The following MAGT1 variants were observed in gnomAD, a reference collection of about 807,000 sequenced individuals.
The protein encoded by MAGT1 is dolichyl-diphosphooligosaccharide--protein glycosyltransferase subunit MAGT1.
MAGT1 carries 4 observed loss-of-function variants against 28.4 expected under a neutral mutation model. The ratio of observed to expected loss-of-function variants is 0.14; its 90% CI spans 0.07 to 0.32. The LOEUF is 0.32. MAGT1 is among the 10% of genes least tolerant of loss of function. MAGT1 has a pLI of 1.00. For synonymous variants in MAGT1, 89 were observed against 89.7 expected, an observed-to-expected ratio of 0.99 and a Z score of 0.04; for missense variants, 193 against 264.5, an observed-to-expected ratio of 0.73 and a Z score of 1.88.
intron 8 of MAGT1, among the ~76,000 whole-genome samples, chrX:77,836,615 C>T (rs782044752): frequency 3.6e-5 from 4 of 112,077 alleles, no homozygotes; most frequent in Admixed American, 9.6e-5. Context: ...AGAAAATGTA[C>T]TCATAGACTG....
intron 7 of MAGT1, among the ~76,000 whole-genome samples, chrX:77,842,720 G>A (rs1557214512): frequency 9.0e-6 from 1 of 110,551 alleles, no homozygotes; most frequent in Non-Finnish European, 1.9e-5. Context: ...GCAGCTACTT[G>A]GGAGGCTGAG....
At chrX:77,861,503 G>T (rs2076994692) in intron 3 of MAGT1, among the ~76,000 whole-genome samples, 1 of 111,844 alleles carries the variant, frequency 8.9e-6, no homozygotes, top group South Asian at 3.7e-4. Flanking sequence ...TCCCCCAAAA[G>T]ATTAAAAATA....
At chrX:77,886,726 G>A (rs2077069093) in intron 1 of MAGT1, among the ~76,000 whole-genome samples, 1 of 111,281 alleles carries the variant, frequency 9.0e-6, no homozygotes, top group African/African-American at 3.3e-5. Context: ...AGTAAGTCCA[G>A]GGCAGATTCC....
intron 2 of MAGT1, among the ~76,000 whole-genome samples, chrX:77,875,149 C>T (rs1212056184): frequency 1.8e-5 from 2 of 110,835 alleles, no homozygotes; most frequent in African/African-American, 6.6e-5. Context: ...AGGCATGAGC[C>T]CCCATGCCCC....
At chrX:77,894,070 ATATACT>A (rs1378523030) in intron 1 of MAGT1, among the ~76,000 whole-genome samples, 24 of 111,888 alleles carry the variant, frequency 2.1e-4, no homozygotes, top group East Asian at 1.7e-3. Context: ...ATACATACAC[ATATACT>A]TATATATAGG....
chrX:77,895,451 C>A (rs2077096393), upstream of MAGT1: 1 of 1,200,719 alleles, frequency 8.3e-7, no homozygotes, highest in African/African-American at 1.7e-5. Flanking sequence ...TTTGCTCCGG[C>A]TAGGTCTGAG....
At chrX:77,839,925 G>T (rs1323827446) in intron 8 of MAGT1, among the ~76,000 whole-genome samples, 11 of 111,095 alleles carry the variant, frequency 9.9e-5, no homozygotes, top group Admixed American at 2.9e-4. Context: ...AGGATTACTG[G>T]CATAAGCCAC....
intron 7 of MAGT1, among the ~76,000 whole-genome samples, chrX:77,844,054 T>C (rs2076943147): frequency 9.0e-6 from 1 of 111,692 alleles, no homozygotes; most frequent in South Asian, 3.7e-4. Context: ...CTGGTAGAAT[T>C]TGGCTGTGAA....
Position 77,829,094 on chromosome X carries a change from C to A in MAGT1, c.*126G>T. On this transcript the variant is annotated 3_prime_UTR_variant, in exon 10 of 10. Coordinates refer to ENST00000618282, the MANE Select transcript of MAGT1 (RefSeq NM_001367916.1). ...ACATCTTCTTTGGTTAAATGATTAA[C>A]TATTTAAATCACTTGAAAAAAAGAG... 5.5e-6 allele frequency: 3 copies of A among 542,415 alleles called. No individual in the cohort carries two copies. Among genetic ancestry groups the A allele is most frequent in the Non-Finnish European group, 9.5e-6 (3 of 314,742 alleles). The allele number at this position is 542,415 out of a possible 1,213,427, so 44.7% of individuals were successfully genotyped here. A position where few individuals can be genotyped will look rare whatever the true frequency, so the allele number is the denominator to read the frequency against.
chrX:77,834,271 C>A (rs868979456), intron 8 of MAGT1, among the ~76,000 whole-genome samples: 2 of 78,233 alleles, frequency 2.6e-5, no homozygotes, highest in Non-Finnish European at 5.3e-5. Flanking sequence ...TGTATATATG[C>A]ATATATGTAT....
intron 2 of MAGT1, among the ~76,000 whole-genome samples, chrX:77,874,175 G>C (rs1400794558): frequency 1.9e-5 from 2 of 107,191 alleles, no homozygotes; most frequent in Non-Finnish European, 3.9e-5. Flanking sequence ...TAGATACAAA[G>C]TTTCACTATG....
chrX:77,836,377 TA>T (rs1450204626), intron 8 of MAGT1, among the ~76,000 whole-genome samples: 9 of 111,268 alleles, frequency 8.1e-5, no homozygotes, highest in Non-Finnish European at 1.7e-4. Context: ...TTAAAATAAC[TA>T]AAAAAGTATA....
Position 77,874,797 on chromosome X carries a change from T to C in MAGT1, c.272+631A>G, listed in dbSNP as rs142727754. On this transcript the variant is annotated intron_variant, in intron 2 of 9. Transcript: ENST00000618282. The stretch of plus-strand genomic sequence containing the variant: ...ACAAGAGTATGAAGCTGAAAGCACT[T>C]ACAAATAATAAAAAAATACTACATC... Among the ~76,000 whole-genome samples, 650 of 109,617 alleles carry C rather than the reference T, an allele frequency of 5.9e-3. 8 individuals carry two copies. The highest frequency in any genetic ancestry group is 0.02 in the African/African-American group (618 of 30,223).
chrX:77,869,738 CA>C (rs1165024626), intron 3 of MAGT1, among the ~76,000 whole-genome samples: 1 of 103,564 alleles, frequency 9.7e-6, no homozygotes, highest in African/African-American at 3.5e-5. Context: ...AAAAACAAAA[CA>C]AAAAAAAACA....
At chrX:77,874,859 A>ATT in intron 2 of MAGT1, among the ~76,000 whole-genome samples, 1 of 99,579 alleles carries the variant, frequency 1.0e-5, no homozygotes, top group Non-Finnish European at 2.1e-5. Flanking sequence ...GTTGATACTG[A>ATT]TTTTTTTTTT....
At chrX:77,852,631 G>A (rs782614569) in intron 7 of MAGT1, among the ~76,000 whole-genome samples, 20 of 110,111 alleles carry the variant, frequency 1.8e-4, no homozygotes, top group Non-Finnish European at 2.7e-4. Context: ...TCACTGTGTC[G>A]TCCAGGCTGG....
At chrX:77,847,097 G>A (rs1248613916) in intron 7 of MAGT1, among the ~76,000 whole-genome samples, 5 of 112,126 alleles carry the variant, frequency 4.5e-5, no homozygotes, top group Admixed American at 9.5e-5. Context: ...CGAGCTTCCC[G>A]GCCACTTTGC....
At chrX:77,845,309 C>G (rs2076948128) in intron 7 of MAGT1, among the ~76,000 whole-genome samples, 2 of 111,501 alleles carry the variant, frequency 1.8e-5, no homozygotes, top group South Asian at 7.5e-4. Context: ...CTTCCTCCAT[C>G]CCTTTATTTT....
intron 8 of MAGT1, among the ~76,000 whole-genome samples, chrX:77,840,129 G>A (rs1239030558): frequency 2.8e-5 from 3 of 108,878 alleles, no homozygotes; most frequent in African/African-American, 1.0e-4. Context: ...GCTGGGCGTG[G>A]TGGCTCATGC....
Sources: allele counts gnomAD v4.1 joint callset (sites outside exome capture counted in the v4.1 genomes callset), GRCh38; gene constraint gnomAD v4.1.1; transcripts MANE v1.5; gene names NCBI Gene and HGNC (gene_info 2026-07-23, HGNC 2026-07-21).